Variants in CTNND2 observed in about 807,000 individuals in gnomAD.
CTNND2 encodes the protein catenin delta 2.
Under a neutral mutation model 144.4 loss-of-function variants are expected in CTNND2, and 22 were observed. The ratio of observed to expected loss-of-function variants is 0.15; its 90% CI spans 0.11 to 0.22. The LOEUF (loss-of-function observed/expected upper bound fraction) is 0.22. Among genes scored for constraint, CTNND2 ranks in the 10% least tolerant of loss-of-function variants. The pLI, the probability that CTNND2 is intolerant of heterozygous loss-of-function variation, is 1.00. For missense variants in CTNND2, 1,353 were observed against 1,618.8 expected, an observed-to-expected ratio of 0.84 and a Z score of 2.82; for synonymous variants, 751 against 695.6, an observed-to-expected ratio of 1.08 and a Z score of -1.25.
intron 9 of CTNND2, among the ~76,000 whole-genome samples, chr5:11,258,941 C>G (rs1744566716): frequency 6.6e-6 from 1 of 152,200 alleles, no homozygotes; most frequent in Admixed American, 6.5e-5. Flanking sequence ...ATCCCCAATA[C>G]ATGAATCAGT....
chr5:10,999,516 G>A (rs563850400), intron 18 of CTNND2, among the ~76,000 whole-genome samples: 8 of 152,242 alleles, frequency 5.3e-5, no homozygotes, highest in African/African-American at 1.9e-4. Context: ...CACGGTAACC[G>A]GGGAAGGGCC....
In CTNND2 at chr5:11,583,062, A is replaced by G. The variant is rs79757957; in HGVS notation, c.175-18006T>C. On this transcript the variant is annotated intron_variant, in intron 2 of 21. Transcript: ENST00000304623. ...GATAAAGTTTTTCTGGCTTCCTTCT[A>G]AAAATGAATGCAAACAGTAAGCTCT... 1.7e-3 allele frequency among the ~76,000 whole-genome samples: 262 copies of G among 152,362 alleles called. 7 individuals carry two copies. The East Asian group carries it at 0.033, about 19-fold the overall frequency.
At chr5:11,050,550 T>C (rs915290504) in intron 16 of CTNND2, among the ~76,000 whole-genome samples, 1 of 152,176 alleles carries the variant, frequency 6.6e-6, no homozygotes. Context: ...ACGTTATAAC[T>C]CTCACATATG....
rs186597501 is a variant in CTNND2 at position 11,769,332 on chromosome 5, T to C, written c.38-37060A>G. 5.3e-3 allele frequency among the ~76,000 whole-genome samples: 814 copies of C among 152,260 alleles called. 13 individuals are homozygous for C. Among genetic ancestry groups the C allele is most frequent in the African/African-American group, 0.019 (783 of 41,538 alleles). ...CCCAACAGTATTAACAGAAATGATA[T>C]GGATAACACACTTGAATTTATAATT... is the stretch of plus-strand genomic sequence containing the variant. On this transcript the variant is annotated intron_variant, in intron 1 of 21. Transcript: ENST00000304623.
intron 1 of CTNND2, among the ~76,000 whole-genome samples, chr5:11,872,043 C>T (rs1735175958): frequency 6.6e-6 from 1 of 152,030 alleles, no homozygotes; most frequent in Non-Finnish European, 1.5e-5. Context: ...AGCCCCCCAC[C>T]CCTCAACATG....
chr5:11,202,868 G>A (rs1015121922), intron 10 of CTNND2, among the ~76,000 whole-genome samples: 16 of 151,756 alleles, frequency 1.1e-4, no homozygotes, highest in African/African-American at 3.6e-4. Context: ...GCAATGGCAC[G>A]ATCTCAGCTC....
chr5:11,313,057 T>G (rs1751152005), intron 9 of CTNND2, among the ~76,000 whole-genome samples: 1 of 152,180 alleles, frequency 6.6e-6, no homozygotes, highest in South Asian at 2.1e-4. Flanking sequence ...AAAGGTGACT[T>G]TGTTTTTCTC....
chr5:11,234,977 T>A (rs1194907073), intron 10 of CTNND2, among the ~76,000 whole-genome samples: 1 of 152,200 alleles, frequency 6.6e-6, no homozygotes, highest in East Asian at 1.9e-4. Context: ...TTCCATAAGC[T>A]TTCTCAAGAC....
chr5:11,390,441 T>A (rs963147336), intron 6 of CTNND2, among the ~76,000 whole-genome samples: 32 of 152,280 alleles, frequency 2.1e-4, no homozygotes, highest in African/African-American at 7.7e-4. Flanking sequence ...GATCTGGCAG[T>A]GCAAACAAAA....
At chr5:11,168,810 AAGAGGAG>A (rs1759609422) in intron 11 of CTNND2, among the ~76,000 whole-genome samples, 1 of 152,094 alleles carries the variant, frequency 6.6e-6, no homozygotes, top group Non-Finnish European at 1.5e-5. Context: ...CATAATGAGG[AAGAGGAG>A]AGAGAGAAAG....
At chr5:11,134,039 T>A (rs533823313) in intron 12 of CTNND2, among the ~76,000 whole-genome samples, 1 of 152,308 alleles carries the variant, frequency 6.6e-6, no homozygotes, top group African/African-American at 2.4e-5. Context: ...GAAATGATCC[T>A]GGATTATCCT....
intron 2 of CTNND2, among the ~76,000 whole-genome samples, chr5:11,675,218 A>C (rs1784111140): frequency 6.6e-6 from 1 of 152,220 alleles, no homozygotes; most frequent in Non-Finnish European, 1.5e-5. Flanking sequence ...TAAATGGGAA[A>C]TAAGCCAATC....
At chr5:11,611,538 G>A (rs1199717363) in intron 2 of CTNND2, among the ~76,000 whole-genome samples, 1 of 152,130 alleles carries the variant, frequency 6.6e-6, no homozygotes, top group African/African-American at 2.4e-5. Flanking sequence ...AGCGCTTTAG[G>A]AGGCAGAGGC....
chr5:11,184,752 A>AT (rs1735445049), intron 11 of CTNND2, among the ~76,000 whole-genome samples: 1 of 152,120 alleles, frequency 6.6e-6, no homozygotes, highest in African/African-American at 2.4e-5. Flanking sequence ...GTCCCTAGCA[A>AT]TTTTTGTGTG....
chr5:11,376,294 C>G (rs1189361311), intron 7 of CTNND2, among the ~76,000 whole-genome samples: 1 of 34,552 alleles, frequency 2.9e-5, no homozygotes, highest in African/African-American at 1.2e-4. Context: ...GAGCTTAAGA[C>G]CTGAGTGATG....
intron 2 of CTNND2, among the ~76,000 whole-genome samples, chr5:11,723,438 C>A (rs1786802817): frequency 1.3e-5 from 2 of 152,072 alleles, no homozygotes; most frequent in Admixed American, 6.5e-5. Context: ...AAGCGATATG[C>A]AGGCAGCCCA....
chr5:11,285,942 T>TTAATAAGA (rs1554021074), intron 9 of CTNND2, among the ~76,000 whole-genome samples: 2 of 152,100 alleles, frequency 1.3e-5, no homozygotes, highest in South Asian at 4.1e-4. Flanking sequence ...AGAGCATAGG[T>TTAATAAGA]GGATGCAGAT....
intron 11 of CTNND2, among the ~76,000 whole-genome samples, chr5:11,189,337 T>C (rs1292790466): frequency 6.6e-6 from 1 of 152,180 alleles, no homozygotes; most frequent in Non-Finnish European, 1.5e-5. Context: ...CACTTCCATA[T>C]ACATTTGACT....
chr5:11,379,693 A>G (rs1326063257), intron 7 of CTNND2, among the ~76,000 whole-genome samples: 1 of 152,204 alleles, frequency 6.6e-6, no homozygotes, highest in Non-Finnish European at 1.5e-5. Context: ...CAAACGGGAA[A>G]GAGTTTTAAG....
Sources: gnomAD v4.1 joint callset for allele counts (sites outside exome capture counted in the v4.1 genomes callset) on GRCh38, gnomAD v4.1.1 for gene constraint, MANE v1.5 for transcripts, NCBI Gene and HGNC (gene_info 2026-07-23, HGNC 2026-07-21) for gene names.